The following DYM variants were observed in gnomAD, a reference collection of about 807,000 sequenced individuals.
DYM encodes dymeclin, also known as dyggve-Melchior-Clausen syndrome protein.
In DYM, 78 loss-of-function variants were observed where a neutral mutation model predicts 93.1. That is an observed-to-expected ratio of 0.84 (90% CI 0.70 to 1.01). The LOEUF (loss-of-function observed/expected upper bound fraction) is 1.01, where lower values mean the gene tolerates loss of function less well. Among genes scored for constraint, DYM ranks in the 50% least tolerant of loss-of-function variants. DYM has a pLI of 0.00. For missense variants in DYM, 789 were observed against 845.0 expected, an observed-to-expected ratio of 0.93 and a Z score of 0.82; for synonymous variants, 321 against 319.7, an observed-to-expected ratio of 1.00 and a Z score of -0.04.
chr18:49,208,948 G>A (rs1051085454), intron 14 of DYM, among the ~76,000 whole-genome samples: 3 of 152,144 alleles, frequency 2.0e-5, no homozygotes, highest in Non-Finnish European at 4.4e-5. Context: ...TTGACAGCTT[G>A]TCTCTTTCTT....
intron 14 of DYM, among the ~76,000 whole-genome samples, chr18:49,178,568 G>A (rs1424279019): frequency 6.6e-6 from 1 of 152,134 alleles, no homozygotes; most frequent in Non-Finnish European, 1.5e-5. Flanking sequence ...CTAGATAAAT[G>A]ATGTATCACT....
intron 14 of DYM, among the ~76,000 whole-genome samples, chr18:49,198,578 G>A (rs1275239323): frequency 1.3e-5 from 2 of 152,174 alleles, no homozygotes; most frequent in Non-Finnish European, 2.9e-5. Context: ...AACATGAACA[G>A]ACACTTCTCA....
At chr18:49,139,403 A>T (rs2084210206) in intron 15 of DYM, among the ~76,000 whole-genome samples, 1 of 152,194 alleles carries the variant, frequency 6.6e-6, no homozygotes, top group Non-Finnish European at 1.5e-5. Flanking sequence ...TTACTCTTAA[A>T]AAACGAGGCA....
At chr18:49,239,349 C>T (rs1038743720) in intron 13 of DYM, among the ~76,000 whole-genome samples, 3 of 152,210 alleles carry the variant, frequency 2.0e-5, no homozygotes, top group African/African-American at 7.2e-5. Flanking sequence ...TTCCCAGCTA[C>T]AATAAGCAAT....
At chr18:49,281,545 A>G (rs1377411788) in intron 10 of DYM, among the ~76,000 whole-genome samples, 1 of 152,368 alleles carries the variant, frequency 6.6e-6, no homozygotes, top group South Asian at 2.1e-4. Context: ...AAAGACTTGG[A>G]ACCAAGCCAA....
intron 17 of DYM, among the ~76,000 whole-genome samples, chr18:49,056,073 T>G (rs1018919587): frequency 6.6e-6 from 1 of 151,654 alleles, no homozygotes; most frequent in Non-Finnish European, 1.5e-5. Context: ...CTGGGGGAGG[T>G]GCAGGCTGAA....
At chr18:49,085,611 T>TTTTTTTTA (rs2078444477) in intron 17 of DYM, among the ~76,000 whole-genome samples, 1 of 141,956 alleles carries the variant, frequency 7.0e-6, no homozygotes, top group Non-Finnish European at 1.6e-5. Flanking sequence ...TGGTCCTTTT[T>TTTTTTTTA]TTTTTTTTTT....
chr18:49,134,691 T>C (rs1471310967), intron 15 of DYM, among the ~76,000 whole-genome samples: 1 of 152,222 alleles, frequency 6.6e-6, no homozygotes, highest in Non-Finnish European at 1.5e-5. Context: ...TCATGACATG[T>C]AGCATTGTCT....
At chr18:49,348,901 C>T (rs1465017513) in intron 6 of DYM, among the ~76,000 whole-genome samples, 1 of 102,438 alleles carries the variant, frequency 9.8e-6, no homozygotes, top group Non-Finnish European at 2.1e-5. Context: ...GAGTGAGACT[C>T]CTCACCAAAA....
At chr18:49,050,420 C>T (rs1051971030) in intron 17 of DYM, among the ~76,000 whole-genome samples, 2 of 152,098 alleles carry the variant, frequency 1.3e-5, no homozygotes, top group African/African-American at 4.8e-5. Flanking sequence ...GTGTATGTGA[C>T]ATTAGGCTTT....
chr18:49,259,645 T>C (rs753106551), intron 11 of DYM, among the ~76,000 whole-genome samples: 2 of 152,236 alleles, frequency 1.3e-5, no homozygotes, highest in African/African-American at 4.8e-5. Context: ...GTTGATTTTA[T>C]TGAATGTACT....
At chr18:49,179,251 A>G (rs1281989410) in intron 14 of DYM, among the ~76,000 whole-genome samples, 1 of 152,136 alleles carries the variant, frequency 6.6e-6, no homozygotes, top group Non-Finnish European at 1.5e-5. Context: ...TAAAATCTGA[A>G]GCTCAGTAGC....
chr18:49,417,339 G>A (rs2073111868), intron 2 of DYM, among the ~76,000 whole-genome samples: 2 of 151,558 alleles, frequency 1.3e-5, no homozygotes, highest in Admixed American at 6.6e-5. Flanking sequence ...TGTAGAGATG[G>A]GGGTCTCGCC....
intron 14 of DYM, among the ~76,000 whole-genome samples, chr18:49,166,724 A>T (rs914963902): frequency 3.3e-5 from 5 of 152,184 alleles, no homozygotes; most frequent in Admixed American, 2.0e-4. Context: ...GAATAAATGG[A>T]ATTTCAGAAA....
chr18:49,430,193 G>A, intron 2 of DYM, 62 bp downstream of exon 2: 2 of 1,511,782 alleles, frequency 1.3e-6, no homozygotes, highest in Non-Finnish European at 9.2e-7. Context: ...TTTTTAATCA[G>A]CATACCACAC....
intron 13 of DYM, among the ~76,000 whole-genome samples, chr18:49,213,848 A>G (rs1241307534): frequency 6.6e-6 from 1 of 152,206 alleles, no homozygotes; most frequent in Non-Finnish European, 1.5e-5. Flanking sequence ...TATAAAGAAA[A>G]TTACCAAAAT....
At chr18:49,339,660 A>T (rs181066474) in intron 6 of DYM, among the ~76,000 whole-genome samples, 224 of 152,344 alleles carry the variant, frequency 1.5e-3, no homozygotes, top group Non-Finnish European at 2.7e-3. Flanking sequence ...AAGTGAGACC[A>T]GAGCCCCAGC....
chr18:49,370,739 C>T (rs1239061365), intron 5 of DYM, among the ~76,000 whole-genome samples: 2 of 152,152 alleles, frequency 1.3e-5, no homozygotes, highest in African/African-American at 4.8e-5. Flanking sequence ...TGCACTCCAG[C>T]CTGGGAAAGA....
Position 49,459,421 on chromosome 18 carries a change from C to G in DYM, c.-54+977G>C, listed in dbSNP as rs531738502. Among the ~76,000 whole-genome samples the G allele has an allele frequency of 1.4e-4, 21 of 152,260 alleles. No homozygotes were observed. In the East Asian group the frequency reaches 1.9e-3, roughly 14 times the overall value. Reference sequence around the variant, plus strand: ...TCATAAATTTCATCCTCTGCAACAACCATTCACCCATTCCTATAGATTCTC... The same window carrying G: ...TCATAAATTTCATCCTCTGCAACAAGCATTCACCCATTCCTATAGATTCTC... On this transcript the variant is annotated intron_variant, in intron 1 of 17. Transcript: ENST00000675505.
Sources: allele counts gnomAD v4.1 joint callset (sites outside exome capture counted in the v4.1 genomes callset), GRCh38; gene constraint gnomAD v4.1.1; transcripts MANE v1.5; gene names NCBI Gene and HGNC (gene_info 2026-07-23, HGNC 2026-07-21).